Variants in B3GALT1 observed in about 807,000 individuals in gnomAD.
B3GALT1 encodes UDP-Gal:betaGlcNAc beta 1,3-galactosyltransferase, polypeptide 1.
A neutral mutation model predicts 23.2 loss-of-function variants in B3GALT1; 10 were observed. That is an observed-to-expected ratio of 0.43 (90% CI 0.27 to 0.73). The LOEUF (loss-of-function observed/expected upper bound fraction) is 0.73. Among genes scored for constraint, B3GALT1 ranks in the 30% least tolerant of loss-of-function variants. B3GALT1 has a pLI of 0.21. For missense variants in B3GALT1, 299 were observed against 405.4 expected (o/e 0.74, Z 2.25); for synonymous variants, 156 against 141.5 (o/e 1.10, Z -0.73).
chr2:167,731,827 T>C (rs961914995), intron 3 of B3GALT1, among the ~76,000 whole-genome samples: 1 of 152,192 alleles, frequency 6.6e-6, no homozygotes, highest in African/African-American at 2.4e-5. Context: ...CAGTGGTGCT[T>C]GATGGCTCTG....
intron 3 of B3GALT1, among the ~76,000 whole-genome samples, chr2:167,802,564 C>A (rs756184400): frequency 2.6e-5 from 4 of 152,200 alleles, no homozygotes; most frequent in Non-Finnish European, 5.9e-5. Context: ...TATTGTTTTG[C>A]AAATGTTTTA....
In B3GALT1 at chr2:167,835,842, C is replaced by A. The variant is rs193002782; in HGVS notation, c.-230+17049C>A. ...CTCTGAGACAAAACTTCCAGAGGAA[C>A]GATCAGACAGCAGCGTTCACGGTTC... On this transcript the variant is annotated intron_variant, in intron 4 of 4. Transcript: ENST00000392690. Among the ~76,000 whole-genome samples, 25 of 152,308 alleles carry A rather than the reference C, an allele frequency of 1.6e-4. No homozygotes were observed. The East Asian group carries it at 2.7e-3, about 16-fold the overall frequency.
intron 3 of B3GALT1, among the ~76,000 whole-genome samples, chr2:167,745,355 CTG>C (rs143046056): frequency 0.049 from 7,529 of 152,210 alleles, 577 homozygotes; most frequent in African/African-American, 0.16. Flanking sequence ...TATGTAGACA[CTG>C]TTTATTATGA....
chr2:167,869,295 A>G lies in B3GALT1; in HGVS notation c.256A>G (p.Thr86Ala). ...TCCTTTTCTTGTTATCCTCATCAGC[A>G]CCACTCACAAGGAATTTGATGCCCG... ...NIPFLVILISTTHKEFDARQA... is the reference protein window; with the variant it reads ...NIPFLVILISATHKEFDARQA... Residue 86 changes from threonine (T) to alanine (A), a missense_variant, in exon 5 of 5, where the codon ACC (threonine) becomes GCC (alanine). Transcript: ENST00000392690. This position sits in a 1 kb window ranked among gnomAD's most constrained non-coding sequence, Gnocchi z 6.4. The G allele has an allele frequency of 1.9e-6, 3 of 1,614,144 alleles. No homozygotes were observed. The highest frequency in any genetic ancestry group is 2.5e-6 in the Non-Finnish European group (3 of 1,180,026).
At chr2:167,700,583 A>C (rs1257039498) in intron 3 of B3GALT1, among the ~76,000 whole-genome samples, 8 of 152,230 alleles carry the variant, frequency 5.3e-5, no homozygotes, top group Non-Finnish European at 1.5e-5. Context: ...GTATGTCTTC[A>C]AAGAGAAACA....
In B3GALT1 at chr2:167,400,184, G is replaced by GTGTC. The variant is rs1553517163; in HGVS notation, c.-510-89990_-510-89989insCTGT. Among the ~76,000 whole-genome samples, 67 of 151,564 alleles carry GTGTC rather than the reference G, an allele frequency of 4.4e-4. 1 individual carries two copies. The highest frequency in any genetic ancestry group is 1.6e-3 in the African/African-American group (67 of 41,336). ...TCTATGTCTGTGTGTGTGTGTGTGT[G>GTGTC]TGTGTGTGTCTGTGTGTGTGTATGT... On this transcript the variant is annotated intron_variant, in intron 1 of 4. Coordinates refer to ENST00000392690, the MANE Select transcript of B3GALT1 (RefSeq NM_020981.4).
chr2:167,302,021 A>G (rs1696456088), intron 1 of B3GALT1, among the ~76,000 whole-genome samples: 1 of 152,214 alleles, frequency 6.6e-6, no homozygotes, highest in African/African-American at 2.4e-5. Flanking sequence ...GGAATTAATC[A>G]GAGACATTTG....
chr2:167,750,355 G>A (rs1259403998), intron 3 of B3GALT1, among the ~76,000 whole-genome samples: 2 of 152,152 alleles, frequency 1.3e-5, no homozygotes, highest in South Asian at 2.1e-4. Context: ...CGAAGGAGTG[G>A]GATTGGTATT....
chr2:167,327,790 G>A (rs927523606), intron 1 of B3GALT1, among the ~76,000 whole-genome samples: 8 of 152,142 alleles, frequency 5.3e-5, no homozygotes, highest in African/African-American at 1.9e-4. Flanking sequence ...GGGCATCCTT[G>A]TCTTGTTACA....
intron 3 of B3GALT1, among the ~76,000 whole-genome samples, chr2:167,738,888 A>G (rs1687531802): frequency 6.6e-6 from 1 of 152,204 alleles, no homozygotes; most frequent in Admixed American, 6.5e-5. Context: ...ATTTTCTGAC[A>G]TACATTATCT....
chr2:167,370,565 G>C (rs1218741085), intron 1 of B3GALT1, among the ~76,000 whole-genome samples: 1 of 152,152 alleles, frequency 6.6e-6, no homozygotes, highest in Non-Finnish European at 1.5e-5. Context: ...AGAGTTAAAG[G>C]ATAGCTACTT....
chr2:167,580,062 T>G (rs918080616), intron 2 of B3GALT1, among the ~76,000 whole-genome samples: 9 of 152,108 alleles, frequency 5.9e-5, no homozygotes, highest in African/African-American at 2.2e-4. Context: ...GGAAACACGG[T>G]GTTGGATAAA....
intron 2 of B3GALT1, among the ~76,000 whole-genome samples, chr2:167,644,038 A>T (rs574673369): frequency 6.6e-6 from 1 of 152,348 alleles, no homozygotes; most frequent in African/African-American, 2.4e-5. Context: ...ACAACCCAAA[A>T]TTAAAAAGTA....
At chr2:167,478,134 T>C (rs1699511836) in intron 1 of B3GALT1, among the ~76,000 whole-genome samples, 1 of 152,230 alleles carries the variant, frequency 6.6e-6, no homozygotes, top group African/African-American at 2.4e-5. Flanking sequence ...AGTGGATACA[T>C]TTAGCAGGCA....
At chr2:167,732,138 A>G (rs1213240149) in intron 3 of B3GALT1, among the ~76,000 whole-genome samples, 1 of 152,196 alleles carries the variant, frequency 6.6e-6, no homozygotes, top group African/African-American at 2.4e-5. Context: ...CAAATACACA[A>G]TGCCTTTAAT....
At chr2:167,518,286 A>G (rs533584249) in intron 2 of B3GALT1, among the ~76,000 whole-genome samples, 1 of 152,272 alleles carries the variant, frequency 6.6e-6, no homozygotes, top group East Asian at 1.9e-4. Context: ...AAATCAGCAA[A>G]TGGAAAATTA....
chr2:167,423,242 C>A (rs532969644), intron 1 of B3GALT1, among the ~76,000 whole-genome samples: 88 of 152,224 alleles, frequency 5.8e-4, no homozygotes, highest in African/African-American at 2.1e-3. Flanking sequence ...TAACTATACC[C>A]CGATCCATAT....
intron 1 of B3GALT1, among the ~76,000 whole-genome samples, chr2:167,349,966 A>G (rs1209462939): frequency 6.6e-6 from 1 of 152,242 alleles, no homozygotes; most frequent in African/African-American, 2.4e-5. Flanking sequence ...ACGGAATACA[A>G]AAATGGAACT....
chr2:167,414,603 C>G (rs780895396), intron 1 of B3GALT1, among the ~76,000 whole-genome samples: 1 of 151,990 alleles, frequency 6.6e-6, no homozygotes, highest in Non-Finnish European at 1.5e-5. Flanking sequence ...TCCAGAAAAG[C>G]CATTTATAGG....
Sources: allele counts gnomAD v4.1 joint callset (sites outside exome capture counted in the v4.1 genomes callset), GRCh38; gene constraint gnomAD v4.1.1; non-coding constraint Gnocchi (gnomAD v3.1); transcripts MANE v1.5; gene names NCBI Gene and HGNC (gene_info 2026-07-23, HGNC 2026-07-21).